Variants in IL1RAPL2 observed in about 807,000 individuals in gnomAD.
IL1RAPL2 encodes the protein interleukin 1 receptor accessory protein like 2, also known as X-linked interleukin-1 receptor accessory protein-like 2.
In IL1RAPL2, 3 loss-of-function variants were observed where a neutral mutation model predicts 44.1. The observed-to-expected ratio is 0.07, with a 90% CI of 0.03 to 0.18. IL1RAPL2 has a LOEUF of 0.18. Ranked by LOEUF, IL1RAPL2 falls within the 10% of genes least tolerant of loss-of-function variation. The pLI is 1.00. For synonymous variants in IL1RAPL2, 181 were observed against 178.8 expected, an observed-to-expected ratio of 1.01 and a Z score of -0.10; for missense variants, 391 against 496.4, an observed-to-expected ratio of 0.79 and a Z score of 2.02.
chrX:105,654,634 A>G (rs2037665294), intron 6 of IL1RAPL2, among the ~76,000 whole-genome samples: 1 of 111,562 alleles, frequency 9.0e-6, no homozygotes, highest in Non-Finnish European at 1.9e-5. Context: ...CTAGTCCTCC[A>G]TTGCTTGTGT....
intron 2 of IL1RAPL2, among the ~76,000 whole-genome samples, chrX:104,828,453 C>T (rs1021054651): frequency 9.0e-6 from 1 of 111,485 alleles, no homozygotes; most frequent in Non-Finnish European, 1.9e-5. Context: ...ATATCACCAG[C>T]GGAGGCTGCA....
At chrX:104,949,094 G>C (rs1309461914) in intron 2 of IL1RAPL2, among the ~76,000 whole-genome samples, 1 of 110,996 alleles carries the variant, frequency 9.0e-6, no homozygotes, top group Non-Finnish European at 1.9e-5. Flanking sequence ...CACAATTTCA[G>C]CTCCTGTTAT....
At chrX:105,028,854 T>C (rs945790654) in intron 2 of IL1RAPL2, among the ~76,000 whole-genome samples, 5 of 111,294 alleles carry the variant, frequency 4.5e-5, no homozygotes, top group South Asian at 3.8e-4. Context: ...TCCAGAACGT[T>C]AGAGAAGTAG....
At chrX:105,712,012 T>A in intron 6 of IL1RAPL2, among the ~76,000 whole-genome samples, 1 of 111,770 alleles carries the variant, frequency 8.9e-6, no homozygotes, top group Middle Eastern at 4.6e-3. Flanking sequence ...TACTCAGCAA[T>A]TCTCACAGGT....
At chrX:104,671,357 C>T (rs140317011) in intron 2 of IL1RAPL2, among the ~76,000 whole-genome samples, 239 of 111,714 alleles carry the variant, frequency 2.1e-3, no homozygotes, top group African/African-American at 7.3e-3. Context: ...ATTCCCAGCT[C>T]TGAGCATTTT....
intron 5 of IL1RAPL2, among the ~76,000 whole-genome samples, chrX:105,304,002 C>T (rs2034715881): frequency 8.9e-6 from 1 of 112,846 alleles, no homozygotes; most frequent in Non-Finnish European, 1.9e-5. Context: ...GCCCTGCCAG[C>T]AAGTGAGGCT....
At chrX:104,786,817 A>G (rs1932800140) in intron 2 of IL1RAPL2, among the ~76,000 whole-genome samples, 1 of 110,992 alleles carries the variant, frequency 9.0e-6, no homozygotes, top group Non-Finnish European at 1.9e-5. Context: ...GGTGCTAAGG[A>G]AACCCAGAGG....
rs140361085 is a variant in IL1RAPL2 at position 105,221,066 on chromosome X, T to G, written c.357-12752T>G. ...TTCTGCAGTTCATTTTCCAGACTCC[T>G]AAATCCTAGTATACAGGTTAGTGAC... On this transcript the variant is annotated intron_variant, in intron 3 of 10. Transcript: ENST00000372582. Among the ~76,000 whole-genome samples the G allele has an allele frequency of 4.8e-3, 533 of 111,854 alleles. 6 individuals carry two copies. The highest frequency in any genetic ancestry group is 0.016 in the African/African-American group (506 of 30,836).
At chrX:105,153,610 C>T (rs754055441) in intron 2 of IL1RAPL2, among the ~76,000 whole-genome samples, 2 of 111,904 alleles carry the variant, frequency 1.8e-5, no homozygotes, top group Non-Finnish European at 3.8e-5. Context: ...TGGCTTTATA[C>T]ATTTTAGGGA....
intron 2 of IL1RAPL2, among the ~76,000 whole-genome samples, chrX:104,940,606 C>G (rs1925139944): frequency 9.0e-6 from 1 of 110,645 alleles, no homozygotes; most frequent in Non-Finnish European, 1.9e-5. Flanking sequence ...CTCACTGGAC[C>G]TTTAATCTTG....
At chrX:104,692,455 CTCG>C (rs1304934137) in intron 2 of IL1RAPL2, among the ~76,000 whole-genome samples, 3 of 109,700 alleles carry the variant, frequency 2.7e-5, no homozygotes, top group African/African-American at 1.0e-4. Flanking sequence ...CACCCATTAA[CTCG>C]TCATTTAGCA....
At chrX:104,609,431 A>G (rs1342302098) in intron 1 of IL1RAPL2, among the ~76,000 whole-genome samples, 1 of 111,988 alleles carries the variant, frequency 8.9e-6, no homozygotes, top group African/African-American at 3.2e-5. Flanking sequence ...TCTAGATAAT[A>G]TCTTGAAGAG....
At chrX:105,648,160 A>G (rs1311196690) in intron 6 of IL1RAPL2, among the ~76,000 whole-genome samples, 4 of 111,963 alleles carry the variant, frequency 3.6e-5, no homozygotes, top group Non-Finnish European at 7.5e-5. Flanking sequence ...TGTCCTACTA[A>G]TGGCAGTTCT....
chrX:104,943,299 T>G, intron 2 of IL1RAPL2, among the ~76,000 whole-genome samples: 1 of 111,516 alleles, frequency 9.0e-6, no homozygotes, highest in Non-Finnish European at 1.9e-5. Flanking sequence ...CCATAATTTG[T>G]GTCTCTAGAC....
intron 6 of IL1RAPL2, among the ~76,000 whole-genome samples, chrX:105,517,183 T>C (rs1042838033): frequency 8.9e-6 from 1 of 112,104 alleles, no homozygotes; most frequent in African/African-American, 3.2e-5. Context: ...ATGGAGTAGA[T>C]AATCAACATG....
chrX:104,710,304 G>A (rs143203687), intron 2 of IL1RAPL2, among the ~76,000 whole-genome samples: 22 of 111,358 alleles, frequency 2.0e-4, no homozygotes, highest in South Asian at 7.4e-4. Context: ...TTATTTAGCC[G>A]TAAAAGGTAA....
intron 2 of IL1RAPL2, among the ~76,000 whole-genome samples, chrX:105,140,141 A>G (rs965000963): frequency 2.7e-5 from 3 of 112,506 alleles, no homozygotes; most frequent in African/African-American, 9.7e-5. Context: ...TGAGTGAAAA[A>G]CACTGTAGCA....
intron 6 of IL1RAPL2, among the ~76,000 whole-genome samples, chrX:105,707,877 G>C (rs2038177714): frequency 9.0e-6 from 1 of 110,984 alleles, no homozygotes; most frequent in African/African-American, 3.3e-5. Flanking sequence ...GGAAGTCAGG[G>C]ATGGCTTCAT....
At chrX:104,954,568 G>T (rs1357544747) in intron 2 of IL1RAPL2, among the ~76,000 whole-genome samples, 1 of 110,676 alleles carries the variant, frequency 9.0e-6, no homozygotes, top group Non-Finnish European at 1.9e-5. Flanking sequence ...TGGAGACAGG[G>T]TCTAGCTCTG....
Sources: gnomAD v4.1 joint callset for allele counts (sites outside exome capture counted in the v4.1 genomes callset) on GRCh38, gnomAD v4.1.1 for gene constraint, MANE v1.5 for transcripts, NCBI Gene and HGNC (gene_info 2026-07-23, HGNC 2026-07-21) for gene names.